Variants in CPNE3 observed in about 807,000 individuals in gnomAD.
CPNE3 encodes copine-3.
In CPNE3, 68 loss-of-function variants were observed where a neutral mutation model predicts 63.9. The ratio of observed to expected loss-of-function variants is 1.06; its 90% CI spans 0.87 to 1.30. CPNE3 has a LOEUF of 1.30. Among genes scored for constraint, CPNE3 ranks in the 50% most tolerant of loss-of-function variants. CPNE3 has a pLI of 0.00. For missense variants in CPNE3, 665 were observed against 578.1 expected, an observed-to-expected ratio of 1.15 and a Z score of -1.54; for synonymous variants, 219 against 197.5, an observed-to-expected ratio of 1.11 and a Z score of -0.91.
intron 6 of CPNE3, among the ~76,000 whole-genome samples, chr8:86,532,956 G>A (rs1366945056): frequency 1.3e-5 from 2 of 152,120 alleles, no homozygotes; most frequent in Non-Finnish European, 2.9e-5. Context: ...TATGAAGGAT[G>A]AGTGCCAATA....
chr8:86,554,802 T>A (rs371657130), intron 14 of CPNE3, 49 bp from the exon 15 acceptor site: 1 of 1,601,520 alleles, frequency 6.2e-7, no homozygotes. Flanking sequence ...ATAAACACAT[T>A]GTGCTTGAGA....
chr8:86,537,974 C>CTT (rs1375995607), intron 7 of CPNE3, among the ~76,000 whole-genome samples: 1 of 123,806 alleles, frequency 8.1e-6, no homozygotes, highest in African/African-American at 2.7e-5. Flanking sequence ...CTGTCTCTCT[C>CTT]TCTCTCTCTC....
rs1821080579 is a variant in CPNE3 at position 86,547,586 on chromosome 8, G to T, written c.820-125G>T. 4 of 633,908 alleles carry T rather than the reference G, an allele frequency of 6.3e-6. No individual in the cohort carries two copies. In the South Asian group the frequency reaches 7.6e-5, roughly 12 times the overall value. The allele number at this position is 633,908 out of a possible 1,614,324, so 39.3% of individuals were successfully genotyped here. On this transcript the variant is annotated intron_variant, in intron 10 of 16. Transcript: ENST00000517490. ...GGGGTATCTTAAACCTGAATGCAGG[G>T]GTAATTTCCATGTTTATATCATGTC...
intron 5 of CPNE3, among the ~76,000 whole-genome samples, chr8:86,531,750 A>G (rs1211738838): frequency 6.6e-6 from 1 of 152,140 alleles, no homozygotes; most frequent in African/African-American, 2.4e-5. Context: ...TAAGCAAATG[A>G]ATATATGCTT....
At chr8:86,523,045 T>C (rs1820469432) in intron 2 of CPNE3, among the ~76,000 whole-genome samples, 1 of 152,196 alleles carries the variant, frequency 6.6e-6, no homozygotes, top group African/African-American at 2.4e-5. Flanking sequence ...GCTTTATGTC[T>C]TACTACTTAA....
chr8:86,538,021 G>A (rs1163109594), intron 7 of CPNE3, among the ~76,000 whole-genome samples: 4 of 150,650 alleles, frequency 2.7e-5, no homozygotes, highest in African/African-American at 7.3e-5. Flanking sequence ...ATGCACACAT[G>A]TATTTTCCTT....
chr8:86,530,128 G>C (rs967139693), intron 4 of CPNE3, among the ~76,000 whole-genome samples: 1 of 151,476 alleles, frequency 6.6e-6, no homozygotes, highest in Non-Finnish European at 1.5e-5. Flanking sequence ...CATTTTTGGG[G>C]AGTTAAATAT....
At chr8:86,537,289 T>C (rs1820821458) in intron 6 of CPNE3, among the ~76,000 whole-genome samples, 1 of 152,248 alleles carries the variant, frequency 6.6e-6, no homozygotes. Context: ...TTTTATGGTA[T>C]ATTTGACCAC....
At chr8:86,528,849 TG>T (rs1434297209) in intron 3 of CPNE3, 95 bp from the exon 4 acceptor site, 1 of 1,318,072 alleles carries the variant, frequency 7.6e-7, no homozygotes, top group Non-Finnish European at 1.0e-6. Context: ...TTCCTTTAGT[TG>T]TCATGCCTAT....
intron 6 of CPNE3, among the ~76,000 whole-genome samples, chr8:86,533,973 G>T (rs929709026): frequency 6.6e-6 from 1 of 151,798 alleles, no homozygotes; most frequent in South Asian, 2.1e-4. Flanking sequence ...AAGTTTCCAC[G>T]TTCAAGTTGG....
At chr8:86,529,256 T>C (rs1464850274) in intron 4 of CPNE3, 132 bp downstream of exon 4, 1 of 680,794 alleles carries the variant, frequency 1.5e-6, no homozygotes, top group Non-Finnish European at 2.4e-6. Flanking sequence ...GTTTATATAT[T>C]AATATGATTG....
intron 15 of CPNE3, among the ~76,000 whole-genome samples, 172 bp from the exon 16 acceptor site, chr8:86,555,930 G>C (rs1821315015): frequency 6.6e-6 from 1 of 152,152 alleles, no homozygotes; most frequent in African/African-American, 2.4e-5. Context: ...TGCAGTTTTT[G>C]TAAGAGTCAA....
chr8:86,556,023 A>T, intron 15 of CPNE3, 79 bp from the exon 16 acceptor site: 1 of 778,150 alleles, frequency 1.3e-6, no homozygotes, highest in South Asian at 1.4e-5. Context: ...AACAAGAAAG[A>T]CTGGATGACT....
At chr8:86,537,048 A>G (rs530576135) in intron 6 of CPNE3, among the ~76,000 whole-genome samples, 3 of 152,270 alleles carry the variant, frequency 2.0e-5, no homozygotes, top group Admixed American at 2.0e-4. Flanking sequence ...GGTTTTGATG[A>G]AGGAGTTTTG....
intron 14 of CPNE3, chr8:86,554,135 A>C (rs963914187): frequency 1.3e-5 from 2 of 152,226 alleles, no homozygotes; most frequent in Non-Finnish European, 2.9e-5. Context: ...AGCTGGAAAA[A>C]ACAGGCAGTA....
intron 9 of CPNE3, among the ~76,000 whole-genome samples, chr8:86,545,973 A>G (rs999496181): frequency 1.3e-5 from 2 of 152,182 alleles, no homozygotes; most frequent in Non-Finnish European, 2.9e-5. Flanking sequence ...ACAGAGGAGA[A>G]CAACTTGAGC....
Position 86,544,747 on chromosome 8 carries a change from G to C in CPNE3, c.641G>C (p.Cys214Ser). Residue 214 changes from cysteine (C) to serine (S), a missense_variant, in exon 9 of 17, where the codon TGT (cysteine) becomes TCT (serine). Physicochemically the swap from Cys to Ser is moderately radical, Grantham distance 112. Transcript: ENST00000517490. ...GDMDKTIKVE[C>S]YDYDNDGSHD... The stretch of plus-strand genomic sequence containing the variant: ...TATTATATTTAATTTCAGGTGGAGT[G>C]TTATGATTATGACAATGATGGGTCA... 6.7e-7 allele frequency: 1 copy of C among 1,490,140 alleles called. No individual in the cohort carries two copies. The allele number at this position is 1,490,140 out of a possible 1,614,324, so 92.3% of individuals were successfully genotyped here.
At chr8:86,544,686 CT>C in intron 8 of CPNE3, 53 bp from the exon 9 acceptor site, 2 of 916,152 alleles carry the variant, frequency 2.2e-6, no homozygotes, top group South Asian at 3.3e-5. Context: ...GCAGCCAATA[CT>C]TTTTAATAAA....
rs760716869 is a variant in CPNE3, at chr8:86,556,267, C to T, written c.1420C>T (p.Leu474Phe). The change falls in exon 16 of 17, where the codon CTC (leucine) becomes TTC (phenylalanine). Residue 474 changes from leucine (L) to phenylalanine (F), a missense_variant. By Grantham distance (22) the Leu-to-Phe change is conservative. Transcript: ENST00000517490. ...MEFLDGDGGSLRSPLGEVAIR... is the reference protein window; with the variant it reads ...MEFLDGDGGSFRSPLGEVAIR... ...GTTTCTGGATGGTGATGGTGGAAGT[C>T]TCCGCTCCCCATTGGGCGAAGTGGC... 6.9e-6 allele frequency: 6 copies of T among 873,032 alleles called. No homozygotes were observed. In the East Asian group the frequency reaches 7.2e-5, roughly 10 times the overall value. 54.1% of individuals were successfully genotyped at this position (873,032 alleles called of 1,614,324 possible). A position where few individuals can be genotyped will look rare whatever the true frequency, so the allele number is the denominator to read the frequency against.
Sources: allele counts gnomAD v4.1 joint callset (sites outside exome capture counted in the v4.1 genomes callset), GRCh38; gene constraint gnomAD v4.1.1; transcripts MANE v1.5; gene names NCBI Gene and HGNC (gene_info 2026-07-23, HGNC 2026-07-21).